Variants in GRAP2 observed in about 807,000 individuals in gnomAD.
GRAP2 encodes the protein GRB2 related adaptor protein 2.
A neutral mutation model predicts 43.5 loss-of-function variants in GRAP2; 31 were observed. The ratio of observed to expected loss-of-function variants is 0.71; its 90% CI spans 0.54 to 0.96. GRAP2 has a LOEUF of 0.96. GRAP2 is among the 40% of genes least tolerant of loss of function. The pLI is 0.00. For synonymous variants in GRAP2, 156 were observed against 164.8 expected, an observed-to-expected ratio of 0.95 and a Z score of 0.41; for missense variants, 371 against 424.4, an observed-to-expected ratio of 0.87 and a Z score of 1.11.
At chr22:39,910,198 G>A (rs1364356825) in intron 1 of GRAP2, among the ~76,000 whole-genome samples, 3 of 152,096 alleles carry the variant, frequency 2.0e-5, no homozygotes, top group African/African-American at 4.8e-5. Context: ...ACGGAGCAAC[G>A]CTCTCCAGGA....
intron 1 of GRAP2, among the ~76,000 whole-genome samples, chr22:39,917,231 G>T (rs1264570302): frequency 6.6e-6 from 1 of 152,100 alleles, no homozygotes; most frequent in African/African-American, 2.4e-5. Flanking sequence ...GAGGATTGGC[G>T]CAGAGCCCTG....
In GRAP2 at chr22:39,971,634, G is replaced by A. The variant is rs145298353; in HGVS notation, c.*550G>A. On this transcript the variant is annotated 3_prime_UTR_variant, in exon 8 of 8. Coordinates refer to ENST00000344138, the MANE Select transcript of GRAP2 (RefSeq NM_004810.4). ...GCTGCGGGCAGCCAAGCGAGTCTGA[G>A]CGGGGATGTGAAGGCAGGACGGGGT... The A allele has an allele frequency of 6.5e-6, 1 of 152,786 alleles. No homozygotes were observed. Among genetic ancestry groups the A allele is most frequent in the Non-Finnish European group, 1.5e-5 (1 of 68,372 alleles). 9.5% of individuals were successfully genotyped at this position (152,786 alleles called of 1,614,324 possible). A position where few individuals can be genotyped will look rare whatever the true frequency, so the allele number is the denominator to read the frequency against.
At chr22:39,964,555 T>G (rs1209588458) in intron 4 of GRAP2, 2 of 835,352 alleles carry the variant, frequency 2.4e-6, no homozygotes, top group East Asian at 4.8e-5. Flanking sequence ...AATTAAGAAA[T>G]CTGGCAAAAA....
intron 1 of GRAP2, among the ~76,000 whole-genome samples, chr22:39,939,801 C>T (rs543876295): frequency 3.3e-5 from 5 of 152,012 alleles, no homozygotes; most frequent in Admixed American, 6.5e-5. Context: ...CTCAGCTACT[C>T]GGGAAGCTGA....
intron 1 of GRAP2, among the ~76,000 whole-genome samples, chr22:39,932,152 G>C (rs1415623227): frequency 6.6e-6 from 1 of 152,204 alleles, no homozygotes; most frequent in African/African-American, 2.4e-5. Flanking sequence ...CGAGATGAAA[G>C]GGTGAAAAGA....
chr22:39,897,744 C>G (rs2066471785), upstream of GRAP2, among the ~76,000 whole-genome samples: 1 of 152,020 alleles, frequency 6.6e-6, no homozygotes, highest in Non-Finnish European at 1.5e-5. Context: ...GTCTCAAACT[C>G]CCGACCTCAG....
chr22:39,911,360 A>ATTTTTG (rs1264666524), intron 1 of GRAP2, among the ~76,000 whole-genome samples: 30 of 152,144 alleles, frequency 2.0e-4, no homozygotes, highest in African/African-American at 7.2e-4. Flanking sequence ...AGACTCATTT[A>ATTTTTG]AAATGACTCT....
chr22:39,918,271 T>G (rs1326773904), intron 1 of GRAP2, among the ~76,000 whole-genome samples: 1 of 152,192 alleles, frequency 6.6e-6, no homozygotes, highest in South Asian at 2.1e-4. Context: ...CTCCTAAGTT[T>G]GGCACCAATC....
chr22:39,952,918 C>A (rs564831528), intron 2 of GRAP2, among the ~76,000 whole-genome samples: 44 of 152,302 alleles, frequency 2.9e-4, no homozygotes, highest in South Asian at 8.3e-4. Flanking sequence ...CTATTATTAT[C>A]TCCATTTTTC....
chr22:39,933,497 G>A (rs1325945607), intron 1 of GRAP2, among the ~76,000 whole-genome samples: 1 of 152,154 alleles, frequency 6.6e-6, no homozygotes, highest in African/African-American at 2.4e-5. Flanking sequence ...GAGGTCATGT[G>A]ACAAACATGA....
chr22:39,930,835 A>G (rs541041754), intron 1 of GRAP2, among the ~76,000 whole-genome samples: 37 of 151,804 alleles, frequency 2.4e-4, no homozygotes, highest in Non-Finnish European at 4.6e-4. Context: ...TGCACACACC[A>G]TTCTCTCTGT....
intron 5 of GRAP2, 83 bp downstream of exon 5, chr22:39,966,241 G>A (rs2067172657): frequency 1.9e-6 from 2 of 1,053,190 alleles, no homozygotes; most frequent in African/African-American, 1.6e-5. Context: ...AAAATGCATA[G>A]GATGGGTAGA....
intron 1 of GRAP2, among the ~76,000 whole-genome samples, chr22:39,910,492 T>C (rs567906932): frequency 2.0e-5 from 3 of 152,190 alleles, no homozygotes; most frequent in Admixed American, 2.0e-4. Context: ...CACTGCAACC[T>C]CTGCCTCGTG....
chr22:39,919,727 T>C (rs2066633758), intron 1 of GRAP2, among the ~76,000 whole-genome samples: 1 of 152,374 alleles, frequency 6.6e-6, no homozygotes, highest in East Asian at 1.9e-4. Flanking sequence ...TCTATCTCCT[T>C]CAATATTTGA....
chr22:39,909,968 A>G (rs2066548212), intron 1 of GRAP2, among the ~76,000 whole-genome samples: 1 of 152,214 alleles, frequency 6.6e-6, no homozygotes, highest in Non-Finnish European at 1.5e-5. Flanking sequence ...CCAGAAACTA[A>G]ACTTCTGCCA....
intron 1 of GRAP2, among the ~76,000 whole-genome samples, chr22:39,906,930 G>T (rs1392604576): frequency 6.6e-6 from 1 of 152,182 alleles, no homozygotes; most frequent in East Asian, 1.9e-4. Context: ...GGGGTGGAAA[G>T]CCTGGCTGAC....
chr22:39,919,839 G>T (rs1449965994), intron 1 of GRAP2, among the ~76,000 whole-genome samples: 1 of 152,190 alleles, frequency 6.6e-6, no homozygotes, highest in Admixed American at 6.5e-5. Context: ...GTAAATACAA[G>T]TTTAATGCTG....
intron 1 of GRAP2, among the ~76,000 whole-genome samples, chr22:39,908,485 T>A (rs1402873486): frequency 6.6e-6 from 1 of 152,230 alleles, no homozygotes; most frequent in Admixed American, 6.5e-5. Context: ...TAAATAATGC[T>A]GATGGGCTTA....
At chr22:39,939,611 G>A (rs2066845639) in intron 1 of GRAP2, among the ~76,000 whole-genome samples, 1 of 150,848 alleles carries the variant, frequency 6.6e-6, no homozygotes, top group Non-Finnish European at 1.5e-5. Context: ...TGACTTGGGA[G>A]GTCCAATTAA....
Sources: gnomAD v4.1 joint callset for allele counts (sites outside exome capture counted in the v4.1 genomes callset) on GRCh38, gnomAD v4.1.1 for gene constraint, MANE v1.5 for transcripts, NCBI Gene and HGNC (gene_info 2026-07-23, HGNC 2026-07-21) for gene names.